ZFR: variants seen among roughly 807,000 people sequenced by gnomAD.
ZFR encodes zinc finger RNA-binding protein.
A neutral mutation model predicts 130.7 loss-of-function variants in ZFR; 19 were observed. The ratio of observed to expected loss-of-function variants is 0.15; its 90% CI spans 0.10 to 0.21. The LOEUF is 0.21. Ranked by LOEUF, ZFR falls within the 10% of genes least tolerant of loss-of-function variation. The pLI is 1.00. For missense variants in ZFR, 872 were observed against 1,321.5 expected, an observed-to-expected ratio of 0.66 and a Z score of 5.27; for synonymous variants, 466 against 456.9, an observed-to-expected ratio of 1.02 and a Z score of -0.25.
intron 5 of ZFR, among the ~76,000 whole-genome samples, chr5:32,412,290 T>C (rs1753730931): frequency 6.6e-6 from 1 of 152,236 alleles, no homozygotes; most frequent in Non-Finnish European, 1.5e-5. Context: ...GTCAAGTAAT[T>C]TTCTTGTCTA....
intron 4 of ZFR, among the ~76,000 whole-genome samples, chr5:32,417,069 A>G (rs1753844256): frequency 1.1e-5 from 1 of 92,486 alleles, no homozygotes; most frequent in South Asian, 4.5e-4. Context: ...CCCCACCCCA[A>G]GAACTGCCCA....
intron 2 of ZFR, among the ~76,000 whole-genome samples, chr5:32,442,339 C>T (rs755518909): frequency 6.6e-6 from 1 of 152,146 alleles, no homozygotes; most frequent in Non-Finnish European, 1.5e-5. Context: ...TTTTTCCTCT[C>T]CTTGAAAATT....
chr5:32,357,171 C>T (rs998316142), intron 19 of ZFR, among the ~76,000 whole-genome samples: 8 of 151,750 alleles, frequency 5.3e-5, no homozygotes, highest in South Asian at 2.1e-4. Context: ...TCTGTAGAGA[C>T]GGGGTATTTT....
chr5:32,436,072 C>T (rs1360382656), intron 2 of ZFR, among the ~76,000 whole-genome samples: 2 of 151,182 alleles, frequency 1.3e-5, no homozygotes, highest in Non-Finnish European at 2.9e-5. Flanking sequence ...ATTCTCCTGG[C>T]TCTCTGTTCA....
chr5:32,438,741 AAT>A (rs33938764), intron 2 of ZFR, among the ~76,000 whole-genome samples: 25,863 of 152,114 alleles, frequency 0.17, 3,019 homozygotes, highest in African/African-American at 0.33. Context: ...TCTCTATATA[AAT>A]ATATGATAGA....
rs1248188966 is a variant in ZFR, at chr5:32,376,375, A to G, written c.2835+2740T>C. On this transcript the variant is annotated intron_variant, in intron 17 of 19. Transcript: ENST00000265069. ...AAAACAAAGGAGATGTGCCAGGCAC[A>G]GTGGCTCATGCCTATAATCCCAGCA... Among the ~76,000 whole-genome samples, 8 of 152,198 alleles carry G rather than the reference A, an allele frequency of 5.3e-5. No homozygotes were observed. In the East Asian group the frequency reaches 7.8e-4, roughly 15 times the overall value.
chr5:32,422,224 G>T (rs571054579), intron 2 of ZFR, among the ~76,000 whole-genome samples: 52 of 152,042 alleles, frequency 3.4e-4, no homozygotes, highest in Non-Finnish European at 7.1e-4. Flanking sequence ...GCCTCTGATC[G>T]TCACCCTAAA....
chr5:32,417,200 C>A (rs966305734), intron 4 of ZFR, among the ~76,000 whole-genome samples: 4 of 151,704 alleles, frequency 2.6e-5, no homozygotes, highest in African/African-American at 9.7e-5. Flanking sequence ...AGATTTGAAC[C>A]ATTCTACATA....
At chr5:32,374,723 G>A (rs62360818) in intron 17 of ZFR, among the ~76,000 whole-genome samples, 7 of 90,208 alleles carry the variant, frequency 7.8e-5, no homozygotes, top group South Asian at 3.5e-4. Flanking sequence ...AAACAAACAA[G>A]CAAAAAAAAA....
chr5:32,441,518 G>GA (rs35684379), intron 2 of ZFR, among the ~76,000 whole-genome samples: 42,182 of 143,434 alleles, frequency 0.29, 6,458 homozygotes, highest in Middle Eastern at 0.45. Flanking sequence ...AATTTGATTG[G>GA]AAAAAAAAAA....
At chr5:32,388,946 T>C (rs1753100423) in intron 12 of ZFR, among the ~76,000 whole-genome samples, 1 of 152,170 alleles carries the variant, frequency 6.6e-6, no homozygotes, top group Non-Finnish European at 1.5e-5. Context: ...AAAATGCTCT[T>C]TACTCAACCT....
intron 19 of ZFR, among the ~76,000 whole-genome samples, chr5:32,357,020 A>C (rs887909198): frequency 6.6e-6 from 1 of 151,288 alleles, no homozygotes; most frequent in African/African-American, 2.4e-5. Flanking sequence ...ACATGGTCTT[A>C]CTCTGTTGCC....
At chr5:32,375,871 TCTCA>T (rs1339313803) in intron 17 of ZFR, among the ~76,000 whole-genome samples, 2 of 148,646 alleles carry the variant, frequency 1.3e-5, no homozygotes, top group Non-Finnish European at 3.0e-5. Flanking sequence ...TGAGACGGAG[TCTCA>T]CTATGTCGCC....
intron 5 of ZFR, among the ~76,000 whole-genome samples, chr5:32,407,617 T>G (rs1753605124): frequency 6.6e-6 from 1 of 152,020 alleles, no homozygotes; most frequent in African/African-American, 2.4e-5. Flanking sequence ...AAATAAAGTT[T>G]AGCAGAAGTT....
chr5:32,403,875 G>A (rs1394790186), intron 7 of ZFR, 31 bp downstream of exon 7: 11 of 1,539,110 alleles, frequency 7.1e-6, no homozygotes, highest in Non-Finnish European at 9.6e-6. Flanking sequence ...CAGAATCAAG[G>A]CATAAGGGTG....
chr5:32,425,772 C>T (rs1581712512), intron 2 of ZFR, among the ~76,000 whole-genome samples: 1 of 152,196 alleles, frequency 6.6e-6, no homozygotes, highest in African/African-American at 2.4e-5. Context: ...GTGATCCACC[C>T]GCCTTGGCCT....
chr5:32,409,755 T>C (rs1034609604), intron 5 of ZFR, among the ~76,000 whole-genome samples: 2 of 152,226 alleles, frequency 1.3e-5, no homozygotes, highest in East Asian at 3.9e-4. Context: ...GCTGAACCGA[T>C]GGATACAGAG....
chr5:32,421,301 T>C (rs1258637178), intron 2 of ZFR, among the ~76,000 whole-genome samples: 1 of 151,944 alleles, frequency 6.6e-6, no homozygotes, highest in Non-Finnish European at 1.5e-5. Flanking sequence ...CAACTAAGAA[T>C]AGCTAAGAGA....
Position 32,368,274 on chromosome 5 carries a change from CTTG to C in ZFR, c.2836-4002_2836-4000del, listed in dbSNP as rs564816745. Among the ~76,000 whole-genome samples, 7 of 152,240 alleles carry C rather than the reference CTTG, an allele frequency of 4.6e-5. No homozygotes were observed. In the East Asian group the frequency reaches 1.3e-3, roughly 29 times the overall value. On this transcript the variant is annotated intron_variant, in intron 17 of 19. Coordinates refer to ENST00000265069, the MANE Select transcript of ZFR (RefSeq NM_016107.5). ...CCCCAACAAGAGACGGAGTTTCACT[CTTG>C]TTGTCCAGGCTGCAATGGCGTGATC...
Sources: gnomAD v4.1 joint callset for allele counts (sites outside exome capture counted in the v4.1 genomes callset) on GRCh38, gnomAD v4.1.1 for gene constraint, MANE v1.5 for transcripts, NCBI Gene and HGNC (gene_info 2026-07-23, HGNC 2026-07-21) for gene names.